The following TCF4 variants were observed in gnomAD, a reference collection of about 807,000 sequenced individuals.
TCF4 encodes the protein SL3-3 enhancer factor 2.
Under a neutral mutation model 82.1 loss-of-function variants are expected in TCF4, and 3 were observed. That is an observed-to-expected ratio of 0.04 (90% CI 0.02 to 0.09). TCF4 has a LOEUF of 0.09. Among genes scored for constraint, TCF4 ranks in the 10% least tolerant of loss-of-function variants. The probability of loss-of-function intolerance (pLI) is 1.00; values close to 1 mark genes in which losing one functional copy is unlikely to be tolerated. For synonymous variants in TCF4, 276 were observed against 309.6 expected (o/e 0.89, Z 1.14); for missense variants, 518 against 852.7 (o/e 0.61, Z 4.89).
At chr18:55,423,948 T>G (rs2094881190) in intron 5 of TCF4, among the ~76,000 whole-genome samples, 1 of 152,130 alleles carries the variant, frequency 6.6e-6, no homozygotes, top group African/African-American at 2.4e-5. Flanking sequence ...GGGGCTCACA[T>G]CATTGTCACT....
intron 2 of TCF4, among the ~76,000 whole-genome samples, chr18:55,613,670 A>G (rs1442693207): frequency 6.6e-6 from 1 of 152,222 alleles, no homozygotes; most frequent in Non-Finnish European, 1.5e-5. Context: ...CAGGAGAGCA[A>G]GAGCAAAGGG....
intron 11 of TCF4, 105 bp downstream of exon 11, chr18:55,269,726 T>A: frequency 7.1e-7 from 1 of 1,410,688 alleles, no homozygotes; most frequent in Non-Finnish European, 9.9e-7. Context: ...GTGACTAATA[T>A]TTAGTGCCTA....
intron 5 of TCF4, chr18:55,422,654 G>T: frequency 4.9e-6 from 1 of 206,112 alleles, no homozygotes; most frequent in Non-Finnish European, 8.5e-6. Flanking sequence ...TGAAAAGTTG[G>T]CAGAGCCGCC....
Position 55,621,677 on chromosome 18 carries a change from AT to A in TCF4, c.286+9620del, listed in dbSNP as rs2097720035. 2.4e-4 allele frequency among the ~76,000 whole-genome samples: 2 copies of A among 8,328 alleles called. 1 individual carries two copies. Among genetic ancestry groups the A allele is most frequent in the African/African-American group, 1.1e-3 (2 of 1,818 alleles). The allele number at this position is 8,328 out of a possible 152,430, so 5.5% of individuals were successfully genotyped here. ...ATATAATATACATTATATAATATAC[AT>A]TATATATTATATTATATAATATATA... is the stretch of plus-strand genomic sequence containing the variant. On this transcript the variant is annotated intron_variant, in intron 2 of 20. Coordinates refer to the TCF4 transcript ENST00000398339.
intron 5 of TCF4, among the ~76,000 whole-genome samples, chr18:55,430,900 T>G (rs1415574116): frequency 1.3e-5 from 2 of 152,056 alleles, no homozygotes; most frequent in African/African-American, 4.8e-5. Context: ...CCCAGGAGAT[T>G]TGAAGTAAGT....
chr18:55,380,137 C>G (rs1260993452), intron 6 of TCF4, among the ~76,000 whole-genome samples: 1 of 152,148 alleles, frequency 6.6e-6, no homozygotes, highest in Non-Finnish European at 1.5e-5. Flanking sequence ...CTACCTCAAC[C>G]TCCCAAAGTG....
At chr18:55,534,916 TAACA>T (rs2097101898) in intron 3 of TCF4, among the ~76,000 whole-genome samples, 1 of 152,196 alleles carries the variant, frequency 6.6e-6, no homozygotes, top group African/African-American at 2.4e-5. Context: ...TGAGAAAAAC[TAACA>T]GTGAGCACCT....
chr18:55,561,730 C>T (rs1008629948), intron 3 of TCF4, among the ~76,000 whole-genome samples: 4 of 152,130 alleles, frequency 2.6e-5, no homozygotes, highest in Admixed American at 2.0e-4. Context: ...ATAAGACATG[C>T]TCACTCCAGT....
At chr18:55,245,014 C>G (rs2052592555) in intron 15 of TCF4, among the ~76,000 whole-genome samples, 1 of 152,202 alleles carries the variant, frequency 6.6e-6, no homozygotes, top group African/African-American at 2.4e-5. Context: ...TTGGACAGAT[C>G]TTTTGGTTAA....
intron 3 of TCF4, among the ~76,000 whole-genome samples, chr18:55,506,572 ATAT>A (rs2096762568): frequency 6.6e-6 from 1 of 152,162 alleles, no homozygotes; most frequent in South Asian, 2.1e-4. Context: ...ACACACACAC[ATAT>A]ACATACCCCA....
chr18:55,250,868 A>G (rs2054851546), intron 15 of TCF4, among the ~76,000 whole-genome samples: 1 of 152,242 alleles, frequency 6.6e-6, no homozygotes, highest in South Asian at 2.1e-4. Context: ...TAAGATAAAT[A>G]TCTAGAAATG....
chr18:55,465,298 G>C (rs1421973212), intron 3 of TCF4, among the ~76,000 whole-genome samples: 3 of 151,964 alleles, frequency 2.0e-5, no homozygotes, highest in African/African-American at 7.3e-5. Context: ...ATCAGCAGAA[G>C]TAATCATAGT....
intron 15 of TCF4, 31 bp from the exon 16 acceptor site, chr18:55,234,714 G>T: frequency 6.2e-7 from 1 of 1,613,768 alleles, no homozygotes. Context: ...AGAGAGGTGA[G>T]CAGGAACCGG....
chr18:55,589,973 C>T (rs942510306), upstream of TCF4: 21 of 330,744 alleles, frequency 6.3e-5, no homozygotes, highest in South Asian at 1.2e-4. Flanking sequence ...TGGCTGTTCT[C>T]GGGTAGGCGT....
At chr18:55,519,517 C>G (rs1288880514) in intron 3 of TCF4, among the ~76,000 whole-genome samples, 1 of 151,358 alleles carries the variant, frequency 6.6e-6, no homozygotes, top group East Asian at 2.0e-4. Flanking sequence ...AGCTGTCAAA[C>G]AGATGGGATC....
At chr18:55,514,902 TTTA>T (rs2096866268) in intron 3 of TCF4, among the ~76,000 whole-genome samples, 2 of 152,148 alleles carry the variant, frequency 1.3e-5, no homozygotes, top group Admixed American at 6.5e-5. Context: ...TAATATATGG[TTTA>T]TTACTATTAA....
intron 6 of TCF4, among the ~76,000 whole-genome samples, chr18:55,371,655 T>C (rs1005647993): frequency 1.3e-5 from 2 of 151,980 alleles, no homozygotes; most frequent in African/African-American, 4.8e-5. Context: ...TTTTAATCAA[T>C]GACAACACTT....
At chr18:55,621,425 A>T (rs1273422195) in intron 2 of TCF4, among the ~76,000 whole-genome samples, 1 of 119,640 alleles carries the variant, frequency 8.4e-6, no homozygotes, top group Non-Finnish European at 1.6e-5. Context: ...TATATTATAT[A>T]TAATATATAA....
At chr18:55,379,080 A>G (rs2091414162) in intron 6 of TCF4, among the ~76,000 whole-genome samples, 1 of 152,052 alleles carries the variant, frequency 6.6e-6, no homozygotes, top group South Asian at 2.1e-4. Flanking sequence ...TCATTAGATG[A>G]CCTCCCTGTT....
Sources: allele counts gnomAD v4.1 joint callset (sites outside exome capture counted in the v4.1 genomes callset), GRCh38; gene constraint gnomAD v4.1.1; transcripts MANE v1.5; gene names NCBI Gene and HGNC (gene_info 2026-07-23, HGNC 2026-07-21).